Variants in CIMIP2A observed in about 807,000 individuals in gnomAD.
CIMIP2A encodes family with sequence similarity 166 member A.
At chr9:137,243,609 C>G in the CIMIP2A span, 1 of 1,613,262 alleles carries the variant, frequency 6.2e-7, no homozygotes, top group Admixed American at 1.7e-5. Flanking sequence ...TTTATTCACT[C>G]CCAGCCTGTC....
At chr9:137,247,745 A>G in the CIMIP2A span, 1 of 1,609,382 alleles carries the variant, frequency 6.2e-7, no homozygotes, top group Non-Finnish European at 8.5e-7. Flanking sequence ...TGCTGGCTCC[A>G]GTCCCTCCCG....
the CIMIP2A span, among the ~76,000 whole-genome samples, chr9:137,249,098 C>A: frequency 6.6e-6 from 1 of 151,888 alleles, no homozygotes; most frequent in African/African-American, 2.4e-5. Context: ...CCTCGTGATC[C>A]GCCCACCTCG....
chr9:137,251,532 C>A, the CIMIP2A span: 1 of 908,420 alleles, frequency 1.1e-6, no homozygotes, highest in Non-Finnish European at 1.7e-6. Flanking sequence ...GTGGGGCAGG[C>A]GGCTGGGAGC....
At chr9:137,254,525 A>C in the CIMIP2A span, among the ~76,000 whole-genome samples, 5 of 152,188 alleles carry the variant, frequency 3.3e-5, no homozygotes, top group Non-Finnish European at 7.3e-5. Flanking sequence ...TTCCTGGAGG[A>C]GGTGGTGGAG....
the CIMIP2A span, chr9:137,243,616 T>C: frequency 1.2e-6 from 2 of 1,612,734 alleles, no homozygotes; most frequent in Admixed American, 1.7e-5. Context: ...ACTCCCAGCC[T>C]GTCCTGTGGC....
the CIMIP2A span, among the ~76,000 whole-genome samples, chr9:137,249,759 C>T: frequency 5.8e-4 from 89 of 152,356 alleles, no homozygotes; most frequent in Non-Finnish European, 1.2e-3. Context: ...GACATGGAAG[C>T]GCCAGCCCCT....
At chr9:137,244,774 C>T in the CIMIP2A span, 3 of 1,602,710 alleles carry the variant, frequency 1.9e-6, no homozygotes, top group Non-Finnish European at 2.6e-6. Context: ...CCCAAGCCCC[C>T]TTAGCCTTCC....
chr9:137,253,225 G>A, the CIMIP2A span: 2 of 1,608,324 alleles, frequency 1.2e-6, no homozygotes, highest in Non-Finnish European at 1.7e-6. Flanking sequence ...CCACGACACA[G>A]GCCCCTTCTG....
At chr9:137,244,484 T>TG in the CIMIP2A span, 1 of 1,495,408 alleles carries the variant, frequency 6.7e-7, no homozygotes, top group Non-Finnish European at 8.9e-7. Context: ...AGAGAGGGGT[T>TG]GGGGCGGCAC....
At chr9:137,244,581 C>T in the CIMIP2A span, 1 of 1,594,244 alleles carries the variant, frequency 6.3e-7, no homozygotes, top group Non-Finnish European at 8.6e-7. Flanking sequence ...AGGGAAGCTG[C>T]CAGGCAGGAG....
chr9:137,254,908 T>A, the CIMIP2A span, among the ~76,000 whole-genome samples: 1 of 152,056 alleles, frequency 6.6e-6, no homozygotes, highest in African/African-American at 2.4e-5. Flanking sequence ...GTGGGCTTCG[T>A]GCCCGTTTCA....
At chr9:137,244,195 G>C in the CIMIP2A span, 3 of 1,613,806 alleles carry the variant, frequency 1.9e-6, no homozygotes, top group Non-Finnish European at 2.5e-6. Flanking sequence ...ATGTAGAAGG[G>C]GATCAGGCCT....
chr9:137,250,110 CCCT>C, the CIMIP2A span: 1 of 152,230 alleles, frequency 6.6e-6, no homozygotes, highest in East Asian at 1.9e-4. Context: ...CAACCCCCCT[CCCT>C]CAACATTTGG....
the CIMIP2A span, chr9:137,252,989 G>A: frequency 1.3e-6 from 2 of 1,576,156 alleles, no homozygotes; most frequent in Non-Finnish European, 1.7e-6. Context: ...GAGAGAAGAG[G>A]GCTAGGGATG....
chr9:137,245,794 G>A, the CIMIP2A span: 168 of 1,535,164 alleles, frequency 1.1e-4, no homozygotes, highest in African/African-American at 3.0e-4. Context: ...CAGCTGCCCC[G>A]TGGTACGCCC....
At chr9:137,252,150 C>A in the CIMIP2A span, 5 of 1,598,770 alleles carry the variant, frequency 3.1e-6, no homozygotes, top group Non-Finnish European at 4.3e-6. Context: ...GTGTCCCCTC[C>A]CTGAGGCCCA....
the CIMIP2A span, chr9:137,244,707 A>G: frequency 1.9e-6 from 3 of 1,613,594 alleles, no homozygotes; most frequent in Admixed American, 1.7e-5. Flanking sequence ...CCCATTACCC[A>G]GGTGAAACGG....
chr9:137,247,650 C>T, the CIMIP2A span: 135 of 1,611,980 alleles, frequency 8.4e-5, no homozygotes, highest in Middle Eastern at 1.6e-4. Context: ...CCAGAGCTCC[C>T]GGCTCTCACC....
the CIMIP2A span, among the ~76,000 whole-genome samples, chr9:137,248,353 A>C: frequency 6.6e-6 from 1 of 151,478 alleles, no homozygotes; most frequent in Non-Finnish European, 1.5e-5. Flanking sequence ...GACCAGCCTG[A>C]CTGACATAGT....
Sources: gnomAD v4.1 joint callset for allele counts (sites outside exome capture counted in the v4.1 genomes callset) on GRCh38, gnomAD v4.1.1 for gene constraint, MANE v1.5 for transcripts, NCBI Gene and HGNC (gene_info 2026-07-23, HGNC 2026-07-21) for gene names.